Variants in LLGL1 observed in about 807,000 individuals in gnomAD.
LLGL1 encodes the protein lethal(2) giant larvae protein homolog 1.
A neutral mutation model predicts 110.6 loss-of-function variants in LLGL1; 58 were observed. The observed-to-expected ratio is 0.52, with a 90% CI of 0.42 to 0.65. The LOEUF (loss-of-function observed/expected upper bound fraction) is 0.65, where lower values mean the gene tolerates loss of function less well. Ranked by LOEUF, LLGL1 falls within the 30% of genes least tolerant of loss-of-function variation. The probability of loss-of-function intolerance (pLI) is 0.00; values close to 1 mark genes in which losing one functional copy is unlikely to be tolerated. For synonymous variants in LLGL1, 674 were observed against 607.2 expected, an observed-to-expected ratio of 1.11 and a Z score of -1.62; for missense variants, 1,229 against 1,462.1, an observed-to-expected ratio of 0.84 and a Z score of 2.60.
At position 18,234,001 on chromosome 17, in the gene LLGL1, C is replaced by G. The variant is rs1285373351; in HGVS notation, c.552-12C>G. ...CGGGAAGTTCTGCTGGCTCACCTGC[C>G]TTCCTCCACAGCGTGCCAGACGACT... is the stretch of plus-strand genomic sequence containing the variant. On this transcript the variant is annotated splice_polypyrimidine_tract_variant and intron_variant, in intron 5 of 22. Coordinates refer to ENST00000316843, the MANE Select transcript of LLGL1 (RefSeq NM_004140.4). 6.3e-7 allele frequency: 1 copy of G among 1,594,036 alleles called. No homozygotes were observed. The highest frequency in any genetic ancestry group is 8.6e-7 in the Non-Finnish European group (1 of 1,167,484).
At position 18,232,730 on chromosome 17, in the gene LLGL1, A is replaced by G. The variant is rs373799486; in HGVS notation, c.320A>G (p.His107Arg). 1.2e-6 allele frequency: 2 copies of G among 1,614,130 alleles called. No individual in the cohort carries two copies. Among genetic ancestry groups the G allele is most frequent in the South Asian group, 1.1e-5 (1 of 91,086 alleles). ...SSLHLWEIVH[H>R]NGCAHLEEAL... is the part of the protein sequence containing the mutation. ...CTGCATCTCTGGGAGATTGTCCACC[A>G]TAATGGCTGTGCCCACCTGGAAGAA... Residue 107 changes from histidine to arginine, a missense_variant, in exon 4 of 23, where the codon CAT (histidine) becomes CGT (arginine). Coordinates refer to ENST00000316843, the MANE Select transcript of LLGL1 (RefSeq NM_004140.4).
chr17:18,234,781 G>T, intron 8 of LLGL1, 58 bp from the exon 9 acceptor site: 1 of 1,613,786 alleles, frequency 6.2e-7, no homozygotes. Flanking sequence ...CCTAGGTTGT[G>T]CAGTATGTGC....
chr17:18,229,586 G>A (rs575230774), intron 1 of LLGL1, among the ~76,000 whole-genome samples: 304 of 152,256 alleles, frequency 2.0e-3, no homozygotes, highest in Non-Finnish European at 2.3e-3. Context: ...ATCAGTGCCT[G>A]CACCTCTGTG....
chr17:18,238,430 A>G, intron 15 of LLGL1, 26 bp from the exon 16 acceptor site: 3 of 1,593,588 alleles, frequency 1.9e-6, no homozygotes, highest in East Asian at 2.2e-5. Flanking sequence ...CTAGGGAGAC[A>G]GTGTTCAGGA....
intron 8 of LLGL1, 24 bp from the exon 9 acceptor site, chr17:18,234,815 T>A (rs747699285): frequency 6.6e-5 from 106 of 1,613,252 alleles, no homozygotes; most frequent in Non-Finnish European, 8.6e-5. Flanking sequence ...GGTTCATGGC[T>A]CGCACACCTC....
At chr17:18,238,772 A>C (rs1368561047) in intron 16 of LLGL1, among the ~76,000 whole-genome samples, 163 bp downstream of exon 16, 1 of 152,072 alleles carries the variant, frequency 6.6e-6, no homozygotes. Flanking sequence ...GCACTTTGGG[A>C]GGCCGAGGTG....
At chr17:18,237,832 T>G (rs1426988686) in intron 14 of LLGL1, 59 bp downstream of exon 14, 15 of 1,534,378 alleles carry the variant, frequency 9.8e-6, no homozygotes, top group Non-Finnish European at 1.3e-5. Context: ...GGTCTGGGCT[T>G]CCGTTTCCAC....
rs771886870 is a variant in LLGL1, at chr17:18,232,660, C to T, written c.262-12C>T. ...TAGGCCAGCCTAGTTTTCATCTCTG[C>T]TCACACACCAGGGCCGCCTCCTGTC... On this transcript the variant is annotated splice_polypyrimidine_tract_variant and intron_variant, in intron 3 of 22. Coordinates refer to ENST00000316843, the MANE Select transcript of LLGL1 (RefSeq NM_004140.4). 1.1e-5 allele frequency: 17 copies of T among 1,614,060 alleles called. No individual in the cohort carries two copies. In the African/African-American group the frequency reaches 2.1e-4, roughly 20 times the overall value.
intron 1 of LLGL1, among the ~76,000 whole-genome samples, chr17:18,227,788 C>T (rs565699760): frequency 6.6e-6 from 1 of 152,204 alleles, no homozygotes; most frequent in African/African-American, 2.4e-5. Context: ...CTTGGGGTGG[C>T]GGAAAGTAAG....
chr17:18,225,901 G>A, intron 1 of LLGL1, 138 bp downstream of exon 1: 1 of 212,948 alleles, frequency 4.7e-6, no homozygotes, highest in Non-Finnish European at 8.0e-6. Flanking sequence ...GGGCCGGGCC[G>A]GGCCGCGCAC....
At position 18,240,535 on chromosome 17, in the gene LLGL1, C is replaced by T. The variant is rs753401520; in HGVS notation, c.2207-43C>T. The T allele has an allele frequency of 5.8e-6, 9 of 1,540,810 alleles. No individual in the cohort carries two copies. Among genetic ancestry groups the T allele is most frequent in the Non-Finnish European group, 6.1e-6 (7 of 1,141,662 alleles). ...TGTGGGAAGACCCCAGGGGAGATGC[C>T]TGGCCCACAGGGAGCACCCTCCTAC... On this transcript the variant is annotated intron_variant, in intron 16 of 22. Transcript: ENST00000316843. This position sits in a 1 kb window ranked among gnomAD's most constrained non-coding sequence, Gnocchi z 5.3.
intron 4 of LLGL1, among the ~76,000 whole-genome samples, chr17:18,233,061 C>G (rs936080214): frequency 6.6e-6 from 1 of 152,200 alleles, no homozygotes; most frequent in Non-Finnish European, 1.5e-5. Context: ...GAGGTACATG[C>G]ATTATATGCC....
rs752162057 is a variant in LLGL1 at position 18,240,550 on chromosome 17, C to T, written c.2207-28C>T. 1 of 1,554,296 alleles carries T rather than the reference C, an allele frequency of 6.4e-7. No homozygotes were observed. The highest frequency in any genetic ancestry group is 8.7e-7 in the Non-Finnish European group (1 of 1,146,870). On this transcript the variant is annotated intron_variant, in intron 16 of 22. Transcript: ENST00000316843. The surrounding 1 kb of genome is among the most constrained non-coding windows in gnomAD (Gnocchi z 5.3). Reference sequence around the variant, plus strand: ...GGGGAGATGCCTGGCCCACAGGGAGCACCCTCCTACGCGCTTGTTTTCTGC... The same window carrying T: ...GGGGAGATGCCTGGCCCACAGGGAGTACCCTCCTACGCGCTTGTTTTCTGC...
chr17:18,242,654 G>T lies in LLGL1; in HGVS notation c.3116+26G>T, dbSNP rs373055896. On this transcript the variant is annotated intron_variant, in intron 21 of 22. Transcript: ENST00000316843. ...GTGAGGCTGGTGGGCAGGTCCACAGGGGGGGCTGCCCTGTCCCCTAGGCCT... is the reference window on the plus strand; with the variant it reads ...GTGAGGCTGGTGGGCAGGTCCACAGTGGGGGCTGCCCTGTCCCCTAGGCCT... 5,214 of 1,589,894 alleles carry T rather than the reference G, an allele frequency of 3.3e-3. 18 individuals carry two copies. Among genetic ancestry groups the T allele is most frequent in the Non-Finnish European group, 3.8e-3 (4,406 of 1,167,760 alleles).
chr17:18,241,967 C>T lies in LLGL1; in HGVS notation c.2850C>T (p.Asp950=), dbSNP rs1458767068. ...RNITEPLCSL[D]INWPRDATQA... is the part of the protein sequence containing the mutation. ...TCACAGAGCCGCTCTGCTCTCTGGA[C>T]ATTAACTGGCCCCGCGATGCCACCC... is the stretch of plus-strand genomic sequence containing the variant. Residue 950 remains aspartate (D), a synonymous_variant, in exon 19 of 23, where the codon GAC becomes GAT. Transcript: ENST00000316843. 2 of 1,613,994 alleles carry T rather than the reference C, an allele frequency of 1.2e-6. No homozygotes were observed. Among genetic ancestry groups the T allele is most frequent in the Admixed American group, 1.7e-5 (1 of 60,004 alleles).
chr17:18,232,433 G>A, intron 2 of LLGL1, 62 bp from the exon 3 acceptor site: 2 of 1,428,406 alleles, frequency 1.4e-6, no homozygotes, highest in Non-Finnish European at 1.9e-6. Context: ...GGAGCCTTGG[G>A]TGTCTTCCTC....
At position 18,242,491 on chromosome 17, in the gene LLGL1, T is replaced by G; in HGVS notation, c.2996-17T>G. On this transcript the variant is annotated splice_polypyrimidine_tract_variant and intron_variant, in intron 20 of 22. Coordinates refer to ENST00000316843, the MANE Select transcript of LLGL1 (RefSeq NM_004140.4). Reference sequence around the variant, plus strand: ...TGCTAAGGGTCCTGGTAGGGGCTGATGACTTGCTCCCTGTAGACACCCCGG... The same window carrying G: ...TGCTAAGGGTCCTGGTAGGGGCTGAGGACTTGCTCCCTGTAGACACCCCGG... 6.2e-7 allele frequency: 1 copy of G among 1,613,768 alleles called. No homozygotes were observed. Among genetic ancestry groups the G allele is most frequent in the Non-Finnish European group, 8.5e-7 (1 of 1,179,866 alleles).
chr17:18,234,436 G>A, intron 7 of LLGL1, 28 bp downstream of exon 7: 1 of 1,606,580 alleles, frequency 6.2e-7, no homozygotes, highest in Non-Finnish European at 8.5e-7. Context: ...CTTAGCCAGA[G>A]GGTGGTGATG....
At chr17:18,241,766 T>C in intron 18 of LLGL1, 51 bp downstream of exon 18, 1 of 1,607,824 alleles carries the variant, frequency 6.2e-7, no homozygotes. Flanking sequence ...GCGAACTGAG[T>C]GGGACCAGTA....
Sources: allele counts gnomAD v4.1 joint callset (sites outside exome capture counted in the v4.1 genomes callset), GRCh38; gene constraint gnomAD v4.1.1; non-coding constraint Gnocchi (gnomAD v3.1); transcripts MANE v1.5; gene names NCBI Gene and HGNC (gene_info 2026-07-23, HGNC 2026-07-21).